The following OSBPL3 variants were observed in gnomAD, a reference collection of about 807,000 sequenced individuals.
OSBPL3 encodes oxysterol-binding protein-related protein 3.
OSBPL3 carries 65 observed loss-of-function variants against 120.1 expected under a neutral mutation model. The ratio of observed to expected loss-of-function variants is 0.54; its 90% CI spans 0.44 to 0.67. OSBPL3 has a LOEUF of 0.67. OSBPL3 is among the 30% of genes least tolerant of loss of function. The pLI, the probability that OSBPL3 is intolerant of heterozygous loss-of-function variation, is 0.00. For synonymous variants in OSBPL3, 416 were observed against 402.6 expected (o/e 1.03, Z -0.40); for missense variants, 1,004 against 1,082.1 (o/e 0.93, Z 1.01).
intron 1 of OSBPL3, among the ~76,000 whole-genome samples, chr7:24,917,451 A>ATTTGT (rs1809827028): frequency 8.4e-6 from 1 of 119,300 alleles, no homozygotes; most frequent in South Asian, 3.1e-4. Flanking sequence ...ATATATACAC[A>ATTTGT]CACATATATA....
Position 24,964,986 on chromosome 7 carries a change from TATTA to T in OSBPL3, c.-150+14896_-150+14899del, listed in dbSNP as rs1254443559. ...GGAAGTATTTTTAATAGGCATGTTG[TATTA>T]ATTAATTATTGTGCTTTTCTTATTA... On this transcript the variant is annotated intron_variant, in intron 1 of 22. Coordinates refer to ENST00000313367, the MANE Select transcript of OSBPL3 (RefSeq NM_015550.4). This position sits in a 1 kb window ranked among gnomAD's most constrained non-coding sequence, Gnocchi z 4.2. Among the ~76,000 whole-genome samples the T allele has an allele frequency of 2.0e-5, 3 of 152,220 alleles. No homozygotes were observed. The highest frequency in any genetic ancestry group is 4.4e-5 in the Non-Finnish European group (3 of 68,032).
chr7:24,855,214 A>G lies in OSBPL3; in HGVS notation c.1028-2580T>C, dbSNP rs958094512. Reference sequence around the variant, plus strand: ...TGCCTGCCACACACACAGGATGCCCATGGCCATCTCAGTGGGTCCCCTGGG... The same window carrying G: ...TGCCTGCCACACACACAGGATGCCCGTGGCCATCTCAGTGGGTCCCCTGGG... On this transcript the variant is annotated intron_variant, in intron 10 of 22. Transcript: ENST00000313367. This position sits in a 1 kb window ranked among gnomAD's most constrained non-coding sequence, Gnocchi z 4.3. Among the ~76,000 whole-genome samples, 2 of 152,030 alleles carry G rather than the reference A, an allele frequency of 1.3e-5. No homozygotes were observed. The highest frequency in any genetic ancestry group is 2.9e-5 in the Non-Finnish European group (2 of 67,984).
chr7:24,914,635 G>A (rs1172656316), intron 1 of OSBPL3, among the ~76,000 whole-genome samples: 1 of 152,066 alleles, frequency 6.6e-6, no homozygotes, highest in Admixed American at 6.5e-5. Context: ...GATGGCTGGT[G>A]TATATCTGAG....
At chr7:24,816,515 G>T (rs1794487325) in intron 18 of OSBPL3, 95 bp downstream of exon 18, 1 of 780,290 alleles carries the variant, frequency 1.3e-6, no homozygotes, top group Non-Finnish European at 2.3e-6. Flanking sequence ...CACACTCAAT[G>T]CAACTGCCGG....
At position 24,834,752 on chromosome 7, in the gene OSBPL3, G is replaced by A. The variant is rs1171319617; in HGVS notation, c.1496-16C>T. ...AGGACAGGCCCTGAAAGGGAAAGAG[G>A]CCTGGTTGTCTCTATAAAGCTTTTC... On this transcript the variant is annotated splice_polypyrimidine_tract_variant and intron_variant, in intron 14 of 22. Coordinates refer to ENST00000313367, the MANE Select transcript of OSBPL3 (RefSeq NM_015550.4). The surrounding 1 kb of genome is among the most constrained non-coding windows in gnomAD (Gnocchi z 5.2). 6.3e-7 allele frequency: 1 copy of A among 1,575,924 alleles called. No individual in the cohort carries two copies. Among genetic ancestry groups the A allele is most frequent in the Admixed American group, 1.9e-5 (1 of 51,834 alleles).
At chr7:24,905,142 A>C (rs1440170440) in intron 1 of OSBPL3, among the ~76,000 whole-genome samples, 1 of 152,110 alleles carries the variant, frequency 6.6e-6, no homozygotes, top group African/African-American at 2.4e-5. Flanking sequence ...CACAAATAGA[A>C]GATAAGCTTC....
rs1347258456 is a variant in OSBPL3, at chr7:24,938,513, T to C, written c.-150+41373A>G. Among the ~76,000 whole-genome samples the C allele has an allele frequency of 2.0e-5, 3 of 152,170 alleles. No homozygotes were observed. Among genetic ancestry groups the C allele is most frequent in the Non-Finnish European group, 4.4e-5 (3 of 68,028 alleles). On this transcript the variant is annotated intron_variant, in intron 1 of 22. Transcript: ENST00000313367. The surrounding 1 kb of genome is among the most constrained non-coding windows in gnomAD (Gnocchi z 5.8). ...GTTATAATGACCAAAGATCCTTCTA[T>C]CCCAGCTTCAATTTTCAAGGTCTCC...
At position 24,797,072 on chromosome 7, in the gene OSBPL3, A is replaced by G. The variant is rs1203168302; in HGVS notation, c.*3111T>C. On this transcript the variant is annotated 3_prime_UTR_variant, in exon 23 of 23. Coordinates refer to ENST00000313367, the MANE Select transcript of OSBPL3 (RefSeq NM_015550.4). The surrounding 1 kb of genome is among the most constrained non-coding windows in gnomAD (Gnocchi z 4.8). Reference sequence around the variant, plus strand: ...AAAAGGTCTGCGGAGATTCTGTAGTAGCCAGAAGGCATAACTTGTAGTGTA... The same window carrying G: ...AAAAGGTCTGCGGAGATTCTGTAGTGGCCAGAAGGCATAACTTGTAGTGTA... The G allele has an allele frequency of 1.3e-5, 2 of 152,240 alleles. No homozygotes were observed. The highest frequency in any genetic ancestry group is 4.8e-5 in the African/African-American group (2 of 41,468). The allele number at this position is 152,240 out of a possible 1,614,324, so 9.4% of individuals were successfully genotyped here. A position where few individuals can be genotyped will look rare whatever the true frequency, so the allele number is the denominator to read the frequency against.
At chr7:24,927,888 C>T (rs907295271) in intron 1 of OSBPL3, among the ~76,000 whole-genome samples, 42 of 152,266 alleles carry the variant, frequency 2.8e-4, no homozygotes, top group African/African-American at 6.5e-4. Context: ...GCACCTGATA[C>T]GGTTTGGGTC....
At chr7:24,875,692 G>C (rs1416359585) in intron 2 of OSBPL3, among the ~76,000 whole-genome samples, 1 of 151,886 alleles carries the variant, frequency 6.6e-6, no homozygotes, top group African/African-American at 2.4e-5. Context: ...CAGCCTGGGT[G>C]AAAGAGTGAG....
At position 24,883,611 on chromosome 7, in the gene OSBPL3, A is replaced by G. The variant is rs1804039631; in HGVS notation, c.96+8766T>C. On this transcript the variant is annotated intron_variant, in intron 2 of 22. Transcript: ENST00000313367. This position sits in a 1 kb window ranked among gnomAD's most constrained non-coding sequence, Gnocchi z 5.4. ...ATCCCATGCAGTTTTCATCAAAGTA[A>G]TATTTCTAAATCTCACCCAAATATA... is the stretch of plus-strand genomic sequence containing the variant. 6.6e-6 allele frequency among the ~76,000 whole-genome samples: 1 copy of G among 152,032 alleles called. No homozygotes were observed. The highest frequency in any genetic ancestry group is 1.5e-5 in the Non-Finnish European group (1 of 67,992).
In OSBPL3 at chr7:24,833,301, G is replaced by A. The variant is rs563625127; in HGVS notation, c.1746+1185C>T. On this transcript the variant is annotated intron_variant, in intron 15 of 22. Coordinates refer to ENST00000313367, the MANE Select transcript of OSBPL3 (RefSeq NM_015550.4). The surrounding 1 kb of genome is among the most constrained non-coding windows in gnomAD (Gnocchi z 4.4). ...GAGGGTTGCTTGAGTCTAGGAGTTC[G>A]AGGTTGCAGTGAGGTAGGACTGCAC... Among the ~76,000 whole-genome samples the A allele has an allele frequency of 2.0e-5, 3 of 152,126 alleles. No homozygotes were observed. Among genetic ancestry groups the A allele is most frequent in the Admixed American group, 6.5e-5 (1 of 15,282 alleles).
rs1453008344 is a variant in OSBPL3, at chr7:24,821,229, A to G, written c.1885-991T>C. Reference sequence around the variant, plus strand: ...GCACCTTATAAACGAAGAGACTGAAACCAGAAAGATAAAGTAACATTTCCC... The same window carrying G: ...GCACCTTATAAACGAAGAGACTGAAGCCAGAAAGATAAAGTAACATTTCCC... On this transcript the variant is annotated intron_variant, in intron 16 of 22. Coordinates refer to ENST00000313367, the MANE Select transcript of OSBPL3 (RefSeq NM_015550.4). This position sits in a 1 kb window ranked among gnomAD's most constrained non-coding sequence, Gnocchi z 5.5. 6.6e-6 allele frequency among the ~76,000 whole-genome samples: 1 copy of G among 152,226 alleles called. No individual in the cohort carries two copies. The highest frequency in any genetic ancestry group is 1.5e-5 in the Non-Finnish European group (1 of 68,036).
At chr7:24,935,628 G>A (rs1463877167) in intron 1 of OSBPL3, among the ~76,000 whole-genome samples, 1 of 152,006 alleles carries the variant, frequency 6.6e-6, no homozygotes, top group Non-Finnish European at 1.5e-5. Context: ...AAAGAATGAT[G>A]AAAAGTTCTA....
At position 24,891,955 on chromosome 7, in the gene OSBPL3, ATGAT is replaced by A. The variant is rs1002744623; in HGVS notation, c.96+418_96+421del. On this transcript the variant is annotated intron_variant, in intron 2 of 22. Coordinates refer to ENST00000313367, the MANE Select transcript of OSBPL3 (RefSeq NM_015550.4). This position sits in a 1 kb window ranked among gnomAD's most constrained non-coding sequence, Gnocchi z 4.1. ...GGTGGATATTATAATTACCAGAAAA[ATGAT>A]TGATTGTTTTTTTGTTTTGCTTAGC... Among the ~76,000 whole-genome samples the A allele has an allele frequency of 1.3e-5, 2 of 152,218 alleles. No homozygotes were observed. Among genetic ancestry groups the A allele is most frequent in the Admixed American group, 6.5e-5 (1 of 15,280 alleles).
At chr7:24,857,437 C>T (rs1011241872) in intron 10 of OSBPL3, among the ~76,000 whole-genome samples, 2 of 152,216 alleles carry the variant, frequency 1.3e-5, no homozygotes, top group African/African-American at 4.8e-5. Context: ...TCTCAGAAAG[C>T]CTTCTTGTAA....
intron 13 of OSBPL3, among the ~76,000 whole-genome samples, chr7:24,841,910 G>A (rs1797821475): frequency 6.6e-6 from 1 of 151,644 alleles, no homozygotes; most frequent in Admixed American, 6.6e-5. Context: ...CTACCTGGTA[G>A]GCTGAGGCTG....
intron 1 of OSBPL3, among the ~76,000 whole-genome samples, chr7:24,902,938 T>A (rs1256937376): frequency 6.6e-6 from 1 of 152,140 alleles, no homozygotes; most frequent in East Asian, 1.9e-4. Context: ...GTGCTCCAAT[T>A]CTCTCAACTA....
chr7:24,937,291 G>C lies in OSBPL3; in HGVS notation c.-150+42595C>G, dbSNP rs570364699. The stretch of plus-strand genomic sequence containing the variant: ...CACCAGGTCCCTCCCACAACACGTG[G>C]GGATTATGGGAACTACAATTCAAGT... On this transcript the variant is annotated intron_variant, in intron 1 of 22. Coordinates refer to ENST00000313367, the MANE Select transcript of OSBPL3 (RefSeq NM_015550.4). This position sits in a 1 kb window ranked among gnomAD's most constrained non-coding sequence, Gnocchi z 4.0. Among the ~76,000 whole-genome samples, 119 of 152,286 alleles carry C rather than the reference G, an allele frequency of 7.8e-4. 1 individual carries two copies. Among genetic ancestry groups the C allele is most frequent in the African/African-American group, 2.9e-3 (119 of 41,558 alleles).
Sources: allele counts gnomAD v4.1 joint callset (sites outside exome capture counted in the v4.1 genomes callset), GRCh38; gene constraint gnomAD v4.1.1; non-coding constraint Gnocchi (gnomAD v3.1); transcripts MANE v1.5; gene names NCBI Gene and HGNC (gene_info 2026-07-23, HGNC 2026-07-21).